The following MAGI2 variants were observed in gnomAD, a reference collection of about 807,000 sequenced individuals.
The protein encoded by MAGI2 is membrane associated guanylate kinase, WW and PDZ domain containing 2.
In MAGI2, 35 loss-of-function variants were observed where a neutral mutation model predicts 133.3. That is an observed-to-expected ratio of 0.26 (90% CI 0.20 to 0.35). The LOEUF is 0.35. MAGI2 is among the 10% of genes least tolerant of loss of function. MAGI2 has a pLI of 1.00. For synonymous variants in MAGI2, 729 were observed against 710.6 expected (o/e 1.03, Z -0.41); for missense variants, 1,636 against 1,863.4 (o/e 0.88, Z 2.25).
At chr7:78,806,188 G>C (rs900560035) in intron 2 of MAGI2, among the ~76,000 whole-genome samples, 1 of 152,042 alleles carries the variant, frequency 6.6e-6, no homozygotes. Context: ...ATGCAGAAAA[G>C]ACATGAGTTC....
intron 6 of MAGI2, chr7:78,485,358 T>C (rs1366369293): frequency 1.3e-5 from 2 of 151,978 alleles, no homozygotes; most frequent in African/African-American, 2.4e-5. Context: ...CTATGACAAA[T>C]GCACAGAACA....
chr7:78,514,323 A>G lies in MAGI2; in HGVS notation c.754+7107T>C, dbSNP rs184560675. ...AATATTATAATTACAATCACCACAA[A>G]CTCTAAAGTGATATCATTACTTTTT... On this transcript the variant is annotated intron_variant, in intron 4 of 21. Coordinates refer to ENST00000354212, the MANE Select transcript of MAGI2 (RefSeq NM_012301.4). Among the ~76,000 whole-genome samples the G allele has an allele frequency of 6.7e-3, 1,009 of 151,638 alleles. 7 individuals are homozygous for G. The highest frequency in any genetic ancestry group is 0.021 in the Middle Eastern group (6 of 292).
chr7:78,316,234 G>A (rs1787397252), intron 9 of MAGI2, among the ~76,000 whole-genome samples: 1 of 152,204 alleles, frequency 6.6e-6, no homozygotes, highest in African/African-American at 2.4e-5. Flanking sequence ...ATAAAGATGT[G>A]TGTATTCTTT....
rs553649934 is a variant in MAGI2 at position 78,632,244 on chromosome 7, A to G, written c.419-5005T>C. Among the ~76,000 whole-genome samples the G allele has an allele frequency of 3.7e-3, 564 of 152,378 alleles. 3 individuals are homozygous for G. Among genetic ancestry groups the G allele is most frequent in the African/African-American group, 0.013 (526 of 41,602 alleles). ...GGGAGAGGCAGATAATAAATAAAAA[A>G]TAAAAAGTTATATAGTATGCTATAA... On this transcript the variant is annotated intron_variant, in intron 2 of 21. Coordinates refer to ENST00000354212, the MANE Select transcript of MAGI2 (RefSeq NM_012301.4).
intron 6 of MAGI2, among the ~76,000 whole-genome samples, chr7:78,394,521 G>A (rs1796172480): frequency 6.6e-6 from 1 of 152,014 alleles, no homozygotes; most frequent in Non-Finnish European, 1.5e-5. Context: ...TGCTCTGCTT[G>A]GAGCCCACTT....
intron 1 of MAGI2, among the ~76,000 whole-genome samples, chr7:79,294,839 C>G (rs967210965): frequency 6.7e-6 from 1 of 148,600 alleles, no homozygotes; most frequent in Non-Finnish European, 1.5e-5. Context: ...ACGCCATTCT[C>G]CTGCCTCAGC....
intron 1 of MAGI2, among the ~76,000 whole-genome samples, chr7:79,229,816 T>C (rs893781277): frequency 1.3e-5 from 2 of 152,082 alleles, no homozygotes; most frequent in Admixed American, 6.5e-5. Flanking sequence ...TATTATACTT[T>C]AGGTTTTAGG....
chr7:79,116,421 G>A (rs1170514927), intron 1 of MAGI2, among the ~76,000 whole-genome samples: 1 of 152,094 alleles, frequency 6.6e-6, no homozygotes, highest in Non-Finnish European at 1.5e-5. Flanking sequence ...CACAACTCAA[G>A]TGTCAGGAAA....
At chr7:78,566,978 T>C (rs1801003421) in intron 3 of MAGI2, among the ~76,000 whole-genome samples, 1 of 152,162 alleles carries the variant, frequency 6.6e-6, no homozygotes, top group Non-Finnish European at 1.5e-5. Context: ...CATGTCTCCT[T>C]TTTACAATAT....
chr7:78,865,663 C>T (rs922438710), intron 2 of MAGI2, among the ~76,000 whole-genome samples: 3 of 152,104 alleles, frequency 2.0e-5, no homozygotes, highest in African/African-American at 7.2e-5. Context: ...TTGTTCAAAG[C>T]AAAGTGCTCT....
chr7:78,762,515 A>G (rs754029502), intron 2 of MAGI2, among the ~76,000 whole-genome samples: 1 of 152,174 alleles, frequency 6.6e-6, no homozygotes, highest in Non-Finnish European at 1.5e-5. Context: ...AGAAATTTTG[A>G]ATCATTTAAT....
chr7:78,951,486 A>G (rs1178159217), intron 2 of MAGI2, among the ~76,000 whole-genome samples: 1 of 152,094 alleles, frequency 6.6e-6, no homozygotes, highest in African/African-American at 2.4e-5. Context: ...AGCAGGGGAA[A>G]TGCCAGACGC....
chr7:78,180,581 A>AT lies in MAGI2; in HGVS notation c.2312-2480dup, dbSNP rs1030844250. Among the ~76,000 whole-genome samples, 11 of 152,250 alleles carry AT rather than the reference A, an allele frequency of 7.2e-5. No homozygotes were observed. The South Asian group carries it at 8.3e-4, about 11-fold the overall frequency. ...TGAAGAACAGAGACACGAATAAGGC[A>AT]TTTTTTCTCCTCTTCCTGCTCTTCT... On this transcript the variant is annotated intron_variant, in intron 13 of 21. Coordinates refer to ENST00000354212, the MANE Select transcript of MAGI2 (RefSeq NM_012301.4).
chr7:79,335,920 T>C (rs1840406620), intron 1 of MAGI2, among the ~76,000 whole-genome samples: 3 of 152,108 alleles, frequency 2.0e-5, no homozygotes, highest in Non-Finnish European at 4.4e-5. Context: ...GTCTATCTTC[T>C]CTTCCAAACT....
intron 6 of MAGI2, among the ~76,000 whole-genome samples, chr7:78,475,027 A>G (rs1268983644): frequency 1.3e-5 from 2 of 151,830 alleles, no homozygotes; most frequent in African/African-American, 2.4e-5. Flanking sequence ...TTGGGTCATA[A>G]TCTTATCAGG....
At chr7:78,454,206 C>T (rs11486981) in intron 6 of MAGI2, among the ~76,000 whole-genome samples, 49,849 of 151,876 alleles carry the variant, frequency 0.33, 10,459 homozygotes, top group African/African-American at 0.61. Context: ...CAACATACCT[C>T]AAGGTGTTTT....
chr7:78,769,692 C>G (rs1825387341), intron 2 of MAGI2, among the ~76,000 whole-genome samples: 2 of 152,188 alleles, frequency 1.3e-5, no homozygotes, highest in African/African-American at 4.8e-5. Context: ...AAAATGTCAG[C>G]TCACAGCTGC....
intron 1 of MAGI2, among the ~76,000 whole-genome samples, chr7:79,136,003 GAGAAAGAAAGAAA>G (rs1821413827): frequency 2.4e-5 from 1 of 40,890 alleles, no homozygotes; most frequent in Non-Finnish European, 5.1e-5. Context: ...AAGAAAGAAA[GAGAAAGAAAGAAA>G]GAAAGAAAGA....
At chr7:79,085,408 T>C (rs1320349210) in intron 1 of MAGI2, among the ~76,000 whole-genome samples, 9 of 151,884 alleles carry the variant, frequency 5.9e-5, no homozygotes, top group Non-Finnish European at 8.8e-5. Flanking sequence ...TCTTTAGATA[T>C]GGTTTCCTTT....
Sources: gnomAD v4.1 joint callset for allele counts (sites outside exome capture counted in the v4.1 genomes callset) on GRCh38, gnomAD v4.1.1 for gene constraint, MANE v1.5 for transcripts, NCBI Gene and HGNC (gene_info 2026-07-23, HGNC 2026-07-21) for gene names.